The following KCNN4 variants were observed in gnomAD, a reference collection of about 807,000 sequenced individuals.
KCNN4 encodes the protein potassium calcium-activated channel subfamily N member 4, also known as intermediate conductance calcium-activated potassium channel protein 4.
In KCNN4, 31 loss-of-function variants were observed where a neutral mutation model predicts 45.2. The observed-to-expected ratio is 0.69, with a 90% CI of 0.52 to 0.92. The LOEUF (loss-of-function observed/expected upper bound fraction) is 0.92, where lower values mean the gene tolerates loss of function less well. Ranked by LOEUF, KCNN4 falls within the 40% of genes least tolerant of loss-of-function variation. KCNN4 has a pLI of 0.00. For missense variants in KCNN4, 463 were observed against 574.0 expected (o/e 0.81, Z 1.98); for synonymous variants, 231 against 254.6 (o/e 0.91, Z 0.88).
At position 43,774,544 on chromosome 19, in the gene KCNN4, C is replaced by A. The variant is rs763019765; in HGVS notation, c.331G>T (p.Glu111Ter). The A allele has an allele frequency of 1.2e-5, 19 of 1,583,762 alleles. No individual in the cohort carries two copies. The Admixed American group carries it at 3.3e-4, about 28-fold the overall frequency. ...GGGTGCAGCCCACACACCACCAGCT[C>A]CAGCACGATCTGCGCCGCCTGCCGC... The part of the protein sequence containing the change: ...TGRQAAQIVL[E>*]LVVCGLHPAP... Residue 111 changes from glutamate to a stop codon, truncating the protein, a stop_gained, in exon 3 of 9, where the codon GAG becomes TAG. Coordinates refer to ENST00000648319, the MANE Select transcript of KCNN4 (RefSeq NM_002250.3). LOFTEE classifies it high-confidence loss of function. The surrounding 1 kb of genome is among the most constrained non-coding windows in gnomAD (Gnocchi z 5.6).
intron 2 of KCNN4, among the ~76,000 whole-genome samples, chr19:43,775,041 A>G (rs1321188251): frequency 1.3e-5 from 2 of 152,202 alleles, no homozygotes; most frequent in Admixed American, 6.5e-5. Flanking sequence ...TAACAAAGCC[A>G]TGGGCCGGGC....
intron 1 of KCNN4, chr19:43,776,881 G>A (rs905241609): frequency 4.3e-5 from 19 of 441,532 alleles, no homozygotes; most frequent in South Asian, 8.9e-5. Flanking sequence ...GTGGATCACC[G>A]AAGGTCGGGA....
chr19:43,769,735 A>G lies in KCNN4; in HGVS notation c.914T>C (p.Ile305Thr). The G allele has an allele frequency of 6.2e-7, 1 of 1,613,406 alleles. No homozygotes were observed. The highest frequency in any genetic ancestry group is 1.7e-5 in the Admixed American group (1 of 59,972). Reference protein sequence around the residue: ...EKHVHNFMMDIQYTKEMKESA... With the variant: ...EKHVHNFMMDTQYTKEMKESA... ...CCATCTCACCTCTTTGGTATACTGG[A>G]TATCCATCATGAAGTTGTGCACGTG... Residue 305 changes from isoleucine (I) to threonine (T), a missense_variant, in exon 5 of 9, where the codon ATC (isoleucine) becomes ACC (threonine). By Grantham distance (89) the Ile-to-Thr change is moderately conservative. This residue lies in a region of KCNN4 where 109 missense variants were observed against 183.7 expected (regional missense o/e 0.59). Transcript: ENST00000648319. The surrounding 1 kb of genome is among the most constrained non-coding windows in gnomAD (Gnocchi z 4.4).
At chr19:43,777,793 C>T (rs1027313749) in intron 1 of KCNN4, among the ~76,000 whole-genome samples, 5 of 151,914 alleles carry the variant, frequency 3.3e-5, no homozygotes, top group Admixed American at 1.3e-4. Flanking sequence ...CCCTGCCTGG[C>T]GGGTATTTGC....
In KCNN4 at chr19:43,774,414, A is replaced by G. The variant is rs761680249; in HGVS notation, c.461T>C (p.Leu154Pro). ...CAGGTAGAGACGCAGCAGCATGGCC[A>G]GGGACAGCAGCGCTTCCCCTTGGCC... ...FLGQGEALLS[L>P]AMLLRLYLVP... Residue 154 changes from leucine to proline, a missense_variant, in exon 3 of 9, where the codon CTG (leucine) becomes CCG (proline). Coordinates refer to ENST00000648319, the MANE Select transcript of KCNN4 (RefSeq NM_002250.3). This position sits in a 1 kb window ranked among gnomAD's most constrained non-coding sequence, Gnocchi z 5.6. 6.9e-6 allele frequency: 11 copies of G among 1,597,838 alleles called. No individual in the cohort carries two copies. The highest frequency in any genetic ancestry group is 1.3e-5 in the African/African-American group (1 of 74,540).
Position 43,772,482 on chromosome 19 carries a change from G to A in KCNN4, c.684-347C>T, listed in dbSNP as rs1365178113. Among the ~76,000 whole-genome samples the A allele has an allele frequency of 6.6e-6, 1 of 152,074 alleles. No individual in the cohort carries two copies. Among genetic ancestry groups the A allele is most frequent in the African/African-American group, 2.4e-5 (1 of 41,386 alleles). On this transcript the variant is annotated intron_variant, in intron 3 of 8. Transcript: ENST00000648319. This position sits in a 1 kb window ranked among gnomAD's most constrained non-coding sequence, Gnocchi z 4.4. ...GTTGAGGGTGGAGAGTCGATAGGGG[G>A]CCAAAACCCAGTCAGACCCTGACTG...
At position 43,774,721 on chromosome 19, in the gene KCNN4, G is replaced by A; in HGVS notation, c.256-102C>T. 4.9e-6 allele frequency: 5 copies of A among 1,017,428 alleles called. No individual in the cohort carries two copies. The highest frequency in any genetic ancestry group is 6.8e-6 in the Non-Finnish European group (5 of 738,112). 63.0% of individuals were successfully genotyped at this position (1,017,428 alleles called of 1,614,324 possible). A position where few individuals can be genotyped will look rare whatever the true frequency, so the allele number is the denominator to read the frequency against. On this transcript the variant is annotated intron_variant, in intron 2 of 8. Transcript: ENST00000648319. The surrounding 1 kb of genome is among the most constrained non-coding windows in gnomAD (Gnocchi z 5.6). ...CGCCCTGAGATAAGTGGGGTGTGCC[G>A]CCTGGCCAGGAGGGAGGGAGTGCAG... is the stretch of plus-strand genomic sequence containing the variant.
At chr19:43,777,298 G>GGTGTGTGT (rs370942754) in intron 1 of KCNN4, among the ~76,000 whole-genome samples, 2 of 33,064 alleles carry the variant, frequency 6.0e-5, no homozygotes, top group African/African-American at 1.5e-4. Flanking sequence ...TAGTTCTTCA[G>GGTGTGTGT]GTGTGTGTGT....
At chr19:43,780,337 G>C (rs1402264719) in intron 1 of KCNN4, among the ~76,000 whole-genome samples, 1 of 151,332 alleles carries the variant, frequency 6.6e-6, no homozygotes, top group African/African-American at 2.4e-5. Context: ...TCAGACCCAA[G>C]AGTCTAGGCC....
At position 43,769,417 on chromosome 19, in the gene KCNN4, C is replaced by T. The variant is rs766358539; in HGVS notation, c.1049+25G>A. The T allele has an allele frequency of 8.2e-6, 13 of 1,580,950 alleles. No individual in the cohort carries two copies. Among genetic ancestry groups the T allele is most frequent in the Non-Finnish European group, 1.1e-5 (13 of 1,150,808 alleles). ...ACTTGGACATGGGTGCACATGGACA[C>T]GTGTGCATACAAAGCGGCCCTCACG... On this transcript the variant is annotated intron_variant, in intron 6 of 8. Transcript: ENST00000648319. The surrounding 1 kb of genome is among the most constrained non-coding windows in gnomAD (Gnocchi z 4.4).
At chr19:43,771,815 T>C (rs1224438632) in intron 4 of KCNN4, among the ~76,000 whole-genome samples, 185 bp downstream of exon 4, 1 of 152,108 alleles carries the variant, frequency 6.6e-6, no homozygotes, top group Non-Finnish European at 1.5e-5. Flanking sequence ...CCTCCCAAAA[T>C]ATTGGGATTA....
chr19:43,776,956 G>C (rs1427868523), intron 1 of KCNN4: 1 of 240,434 alleles, frequency 4.2e-6, no homozygotes, highest in African/African-American at 2.2e-5. Flanking sequence ...AAATTAGCTG[G>C]GTGTGTAATC....
intron 1 of KCNN4, among the ~76,000 whole-genome samples, chr19:43,778,706 G>A (rs1195600731): frequency 1.3e-5 from 2 of 151,786 alleles, no homozygotes; most frequent in Non-Finnish European, 2.9e-5. Flanking sequence ...GTCTCTCTCT[G>A]TACCTCTCCC....
chr19:43,776,905 T>A, intron 1 of KCNN4: 2 of 392,520 alleles, frequency 5.1e-6, no homozygotes, highest in Non-Finnish European at 4.7e-6. Context: ...TGAGACCCCC[T>A]GGCCAACATG....
Position 43,780,953 on chromosome 19 carries a change from T to C in KCNN4, c.-92A>G. ...GGCAGCCACTGTGGCTTGCAGGTCG[T>C]CAGCCTGCTCTGCTGGCTCTGGGAC... On this transcript the variant is annotated 5_prime_UTR_variant, in exon 1 of 9. Transcript: ENST00000648319. 1 of 1,294,488 alleles carries C rather than the reference T, an allele frequency of 7.7e-7. No individual in the cohort carries two copies. Among genetic ancestry groups the C allele is most frequent in the Middle Eastern group, 2.4e-4 (1 of 4,220 alleles). The allele number at this position is 1,294,488 out of a possible 1,614,324, so 80.2% of individuals were successfully genotyped here.
At chr19:43,779,988 C>G (rs998813001) in intron 1 of KCNN4, among the ~76,000 whole-genome samples, 2 of 152,092 alleles carry the variant, frequency 1.3e-5, no homozygotes, top group Admixed American at 6.5e-5. Context: ...ATCCCCACCC[C>G]CAAGGCAGTT....
In KCNN4 at chr19:43,769,365, G is replaced by A. The variant is rs749774931; in HGVS notation, c.1049+77C>T. 3.4e-6 allele frequency: 4 copies of A among 1,172,150 alleles called. No individual in the cohort carries two copies. Among genetic ancestry groups the A allele is most frequent in the Admixed American group, 1.7e-5 (1 of 58,792 alleles). The allele number at this position is 1,172,150 out of a possible 1,614,324, so 72.6% of individuals were successfully genotyped here. On this transcript the variant is annotated intron_variant, in intron 6 of 8. Coordinates refer to ENST00000648319, the MANE Select transcript of KCNN4 (RefSeq NM_002250.3). This position sits in a 1 kb window ranked among gnomAD's most constrained non-coding sequence, Gnocchi z 4.4. ...TCCTGACCTGGACAGGCATGGACAT[G>A]CACACACACAGCCGTGCAGAGAGGT... is the stretch of plus-strand genomic sequence containing the variant.
rs780482121 is a variant in KCNN4 at position 43,772,581 on chromosome 19, C to T, written c.684-446G>A. ...AAGATGCTGTGTGGTCCAGAAGTGG[C>T]CCTATCAGGACCAAAAAGGACTCTA... On this transcript the variant is annotated intron_variant, in intron 3 of 8. Coordinates refer to ENST00000648319, the MANE Select transcript of KCNN4 (RefSeq NM_002250.3). The surrounding 1 kb of genome is among the most constrained non-coding windows in gnomAD (Gnocchi z 4.4). Among the ~76,000 whole-genome samples, 1 of 152,274 alleles carries T rather than the reference C, an allele frequency of 6.6e-6. No homozygotes were observed. The highest frequency in any genetic ancestry group is 1.9e-4 in the East Asian group (1 of 5,178).
At chr19:43,776,728 T>C (rs1009651274) in intron 1 of KCNN4, 92 bp from the exon 2 acceptor site, 2 of 804,232 alleles carry the variant, frequency 2.5e-6, no homozygotes, top group Middle Eastern at 2.3e-4. Flanking sequence ...TTTTTTTTTT[T>C]TGATTCCCAA....
Sources: gnomAD v4.1 joint callset for allele counts (sites outside exome capture counted in the v4.1 genomes callset) on GRCh38, gnomAD v4.1.1 for gene constraint, gnomAD v4.1.1 regional missense constraint, Gnocchi (gnomAD v3.1) non-coding constraint, MANE v1.5 for transcripts, NCBI Gene and HGNC (gene_info 2026-07-23, HGNC 2026-07-21) for gene names.